Variants in HTR2C observed in about 807,000 individuals in gnomAD.
HTR2C encodes the protein 5-hydroxytryptamine receptor 2C.
HTR2C carries 5 observed loss-of-function variants against 21.0 expected under a neutral mutation model. The ratio of observed to expected loss-of-function variants is 0.24; its 90% CI spans 0.12 to 0.50. The LOEUF (loss-of-function observed/expected upper bound fraction) is 0.50. Ranked by LOEUF, HTR2C falls within the 20% of genes least tolerant of loss-of-function variation. The pLI, the probability that HTR2C is intolerant of heterozygous loss-of-function variation, is 0.98. For synonymous variants in HTR2C, 150 were observed against 145.3 expected, an observed-to-expected ratio of 1.03 and a Z score of -0.23; for missense variants, 271 against 371.2, an observed-to-expected ratio of 0.73 and a Z score of 2.22.
intron 4 of HTR2C, among the ~76,000 whole-genome samples, chrX:114,777,201 A>G (rs1432940091): frequency 1.8e-5 from 2 of 111,915 alleles, no homozygotes; most frequent in African/African-American, 6.5e-5. Flanking sequence ...TATTTCATCT[A>G]CTTCTAGTCC....
chrX:114,780,751 AAATATTCT>A (rs2070108802), intron 4 of HTR2C, among the ~76,000 whole-genome samples: 2 of 111,998 alleles, frequency 1.8e-5, no homozygotes, highest in Non-Finnish European at 1.9e-5. Flanking sequence ...AAGCAAATGC[AAATATTCT>A]CTGAAAAGCA....
chrX:114,840,732 A>G (rs1290409728), intron 4 of HTR2C, among the ~76,000 whole-genome samples: 2 of 112,119 alleles, frequency 1.8e-5, no homozygotes, highest in African/African-American at 6.5e-5. Flanking sequence ...AGAAAATTTT[A>G]CTATCCAAAT....
At chrX:114,640,327 A>G (rs1930047161) in intron 2 of HTR2C, among the ~76,000 whole-genome samples, 1 of 86,109 alleles carries the variant, frequency 1.2e-5, no homozygotes, top group Admixed American at 1.5e-4. Context: ...TGAAACACAT[A>G]TATCTTTAAG....
intron 2 of HTR2C, among the ~76,000 whole-genome samples, chrX:114,721,771 G>A (rs1199409816): frequency 9.0e-6 from 1 of 111,152 alleles, no homozygotes; most frequent in Admixed American, 9.6e-5. Context: ...TTATTAAATA[G>A]GGAATCCTTT....
chrX:114,787,960 A>G (rs1297441478), intron 4 of HTR2C, among the ~76,000 whole-genome samples: 2 of 110,143 alleles, frequency 1.8e-5, no homozygotes, highest in Non-Finnish European at 3.8e-5. Flanking sequence ...AAAAAAAAAA[A>G]AAAAAGAAAT....
intron 4 of HTR2C, among the ~76,000 whole-genome samples, chrX:114,778,755 A>T (rs1475514374): frequency 9.0e-6 from 1 of 111,297 alleles, no homozygotes; most frequent in Non-Finnish European, 1.9e-5. Context: ...ATAGAAACAG[A>T]GCTATCTAGA....
intron 2 of HTR2C, among the ~76,000 whole-genome samples, chrX:114,645,208 T>TA (rs1314421190): frequency 3.7e-5 from 4 of 108,858 alleles, no homozygotes; most frequent in African/African-American, 1.0e-4. Flanking sequence ...ATAAGGAAGC[T>TA]AAAAAAAATA....
intron 5 of HTR2C, among the ~76,000 whole-genome samples, chrX:114,899,476 C>T (rs1556484786): frequency 9.0e-6 from 1 of 111,332 alleles, no homozygotes; most frequent in Non-Finnish European, 1.9e-5. Flanking sequence ...TGCTGTGACT[C>T]CACACAGCTC....
intron 5 of HTR2C, among the ~76,000 whole-genome samples, chrX:114,879,931 C>T (rs781814050): frequency 9.0e-6 from 1 of 110,798 alleles, no homozygotes; most frequent in African/African-American, 3.3e-5. Context: ...AGTTAGTTAA[C>T]TTACACTTAA....
chrX:114,871,032 G>A (rs183328676), intron 5 of HTR2C, among the ~76,000 whole-genome samples: 57 of 110,080 alleles, frequency 5.2e-4, no homozygotes, highest in African/African-American at 1.8e-3. Context: ...TTTATTTGAC[G>A]TTTTTCCTCT....
At chrX:114,863,920 T>C (rs2071024807) in intron 5 of HTR2C, among the ~76,000 whole-genome samples, 1 of 111,490 alleles carries the variant, frequency 9.0e-6, no homozygotes, top group African/African-American at 3.3e-5. Context: ...AATTTTTAAC[T>C]TGAAGTCTAC....
intron 4 of HTR2C, among the ~76,000 whole-genome samples, chrX:114,779,519 A>G (rs2070095245): frequency 9.0e-6 from 1 of 111,599 alleles, no homozygotes; most frequent in Non-Finnish European, 1.9e-5. Flanking sequence ...TTTTAATGAC[A>G]AAAGCTGCAC....
chrX:114,670,725 T>C (rs1325990898), intron 2 of HTR2C, among the ~76,000 whole-genome samples: 7 of 112,626 alleles, frequency 6.2e-5, no homozygotes, highest in African/African-American at 2.3e-4. Context: ...TATCATTAAA[T>C]GTATAAATTT....
intron 4 of HTR2C, among the ~76,000 whole-genome samples, chrX:114,797,131 C>T (rs1464313140): frequency 9.0e-6 from 1 of 111,674 alleles, no homozygotes; most frequent in African/African-American, 3.2e-5. Context: ...AGAAGACATT[C>T]TTATTAATGC....
Position 114,909,502 on chromosome X carries a change from T to C in HTR2C, c.*2087T>C, listed in dbSNP as rs1556488186. 1 of 112,477 alleles carries C rather than the reference T, an allele frequency of 8.9e-6. No individual in the cohort carries two copies. The highest frequency in any genetic ancestry group is 1.9e-5 in the Non-Finnish European group (1 of 53,218). 9.3% of individuals were successfully genotyped at this position (112,477 alleles called of 1,213,427 possible). ...AAGTAGTGTGAGTGTTAGAAAAAAC[T>C]GGAAACATCTGATTTCTGAACTATC... On this transcript the variant is annotated 3_prime_UTR_variant, in exon 6 of 6. Coordinates refer to ENST00000276198, the MANE Select transcript of HTR2C (RefSeq NM_000868.4).
At chrX:114,694,434 AATATATATATATATATATATATATATAT>A (rs782501990) in intron 2 of HTR2C, among the ~76,000 whole-genome samples, 85 of 91,947 alleles carry the variant, frequency 9.2e-4, no homozygotes, top group Non-Finnish European at 5.9e-4. Context: ...TCCTCAACTA[AATATATATATATATATATATATATATAT>A]ATATATATAT....
intron 4 of HTR2C, among the ~76,000 whole-genome samples, chrX:114,806,245 C>T (rs868943396): frequency 1.1e-5 from 1 of 91,524 alleles, no homozygotes; most frequent in Non-Finnish European, 2.1e-5. Flanking sequence ...ATATATATAC[C>T]ATATATATAC....
At chrX:114,846,676 T>TA (rs2070876308) in intron 4 of HTR2C, among the ~76,000 whole-genome samples, 1 of 111,663 alleles carries the variant, frequency 9.0e-6, no homozygotes, top group Non-Finnish European at 1.9e-5. Flanking sequence ...CAGGCATTTA[T>TA]AAAAAACAAA....
chrX:114,833,527 C>T (rs1307102136), intron 4 of HTR2C, among the ~76,000 whole-genome samples: 12 of 110,791 alleles, frequency 1.1e-4, no homozygotes, highest in South Asian at 3.9e-4. Context: ...GTTTGTATTT[C>T]GGTGGGATTA....
Sources: allele counts gnomAD v4.1 joint callset (sites outside exome capture counted in the v4.1 genomes callset), GRCh38; gene constraint gnomAD v4.1.1; transcripts MANE v1.5; gene names NCBI Gene and HGNC (gene_info 2026-07-23, HGNC 2026-07-21).